Variants in PES1 observed in about 807,000 individuals in gnomAD.
The protein encoded by PES1 is pescadillo homolog.
Under a neutral mutation model 77.1 loss-of-function variants are expected in PES1, and 31 were observed. The observed-to-expected ratio is 0.40, with a 90% CI of 0.30 to 0.54. PES1 has a LOEUF of 0.54. Ranked by LOEUF, PES1 falls within the 20% of genes least tolerant of loss-of-function variation. The probability of loss-of-function intolerance (pLI) is 0.45; values close to 1 mark genes in which losing one functional copy is unlikely to be tolerated. For missense variants in PES1, 658 were observed against 771.7 expected (o/e 0.85, Z 1.75); for synonymous variants, 282 against 303.0 (o/e 0.93, Z 0.72).
At chr22:30,602,911 T>TTGTGTGTGTG (rs61098443) in intron 2 of PES1, among the ~76,000 whole-genome samples, 35 of 150,904 alleles carry the variant, frequency 2.3e-4, no homozygotes, top group Admixed American at 1.5e-3. Flanking sequence ...TGAAAGCAAT[T>TTGTGTGTGTG]TGTGTGTGTG....
In PES1 at chr22:30,583,062, A is replaced by T. The variant is rs568181211; in HGVS notation, c.630+1303T>A. Among the ~76,000 whole-genome samples the T allele has an allele frequency of 5.3e-5, 8 of 152,238 alleles. No individual in the cohort carries two copies. The South Asian group carries it at 1.7e-3, about 32-fold the overall frequency. ...CCAGCTGTGTGGAGGCCGGCCCACC[A>T]CAGGGCCCTATTCACCACCAGGGAG... On this transcript the variant is annotated intron_variant, in intron 6 of 14. Transcript: ENST00000354694.
In PES1 at chr22:30,591,864, C is replaced by A; in HGVS notation, c.-31G>T. ...CACGTTGAGGAGCCGACTAGGGCCGCGCGTACAGGGAGCTCCACTTCCTCC... is the reference window on the plus strand; with the variant it reads ...CACGTTGAGGAGCCGACTAGGGCCGAGCGTACAGGGAGCTCCACTTCCTCC... On this transcript the variant is annotated 5_prime_UTR_variant, in exon 1 of 15. Coordinates refer to ENST00000354694, the MANE Select transcript of PES1 (RefSeq NM_014303.4). 6.5e-7 allele frequency: 1 copy of A among 1,546,128 alleles called. No individual in the cohort carries two copies. The highest frequency in any genetic ancestry group is 8.7e-7 in the Non-Finnish European group (1 of 1,146,296).
chr22:30,580,818 A>G (rs1341388961), intron 9 of PES1, 117 bp from the exon 10 acceptor site: 11 of 1,490,924 alleles, frequency 7.4e-6, no homozygotes, highest in African/African-American at 1.4e-5. Context: ...CTGCCTTCAA[A>G]GGAAACTCCA....
chr22:30,577,088 C>T lies in PES1; in HGVS notation c.1725G>A (p.Ala575=), dbSNP rs80018848. The T allele has an allele frequency of 4.3e-4, 699 of 1,614,136 alleles. 5 individuals are homozygous for T. The African/African-American group carries it at 7.7e-3, about 18-fold the overall frequency. The part of the protein sequence containing the change: ...LAEKRKAHDE[A]VRSEKKAKKA... The stretch of plus-strand genomic sequence containing the variant: ...TCTTGGCCTTCTTCTCAGACCTCAC[C>T]GCCTCATCGTGGGCTTTCCGCTTCT... The change falls in exon 15 of 15, where the codon GCG becomes GCA. Residue 575 remains alanine (A), a synonymous_variant. Coordinates refer to ENST00000354694, the MANE Select transcript of PES1 (RefSeq NM_014303.4).
Position 30,581,339 on chromosome 22 carries a change from T to A in PES1, c.817A>T (p.Met273Leu). The stretch of plus-strand genomic sequence containing the variant: ...ATGCTCCTGGAGCCTCTCACCTCCA[T>A]ACAACTCTCGGAGTCCAACGCGTAG... Reference protein sequence around the residue: ...GTYALDSESCMEKLAALSASL... With the variant: ...GTYALDSESCLEKLAALSASL... The change falls in exon 8 of 15, where the codon ATG (methionine) becomes TTG (leucine). Residue 273 changes from methionine to leucine, a missense_variant. Met to Leu is a conservative substitution (Grantham distance 15). Transcript: ENST00000354694. 6.2e-7 allele frequency: 1 copy of A among 1,613,710 alleles called. No homozygotes were observed. Among genetic ancestry groups the A allele is most frequent in the South Asian group, 1.1e-5 (1 of 91,070 alleles).
Position 30,591,891 on chromosome 22 carries a change from G to A in PES1, c.-58C>T, listed in dbSNP as rs1408200384. 3.3e-6 allele frequency: 5 copies of A among 1,526,810 alleles called. No homozygotes were observed. Among genetic ancestry groups the A allele is most frequent in the South Asian group, 2.4e-5 (2 of 82,566 alleles). The allele number at this position is 1,526,810 out of a possible 1,614,324, so 94.6% of individuals were successfully genotyped here. A position where few individuals can be genotyped will look rare whatever the true frequency, so the allele number is the denominator to read the frequency against. The stretch of plus-strand genomic sequence containing the variant: ...CGTACAGGGAGCTCCACTTCCTCCC[G>A]CACGTGCCCTGCCAAGGACCCCGAG... On this transcript the variant is annotated 5_prime_UTR_variant, in exon 1 of 15. Transcript: ENST00000354694.
At chr22:30,605,333 C>T (rs1602035773) in intron 2 of PES1, 1 of 314,882 alleles carries the variant, frequency 3.2e-6, no homozygotes, top group Non-Finnish European at 4.6e-6. Context: ...CTTCCTATTC[C>T]TACTCCCCCA....
At chr22:30,593,459 A>G (rs1228659025), upstream of PES1, among the ~76,000 whole-genome samples, 1 of 151,882 alleles carries the variant, frequency 6.6e-6, no homozygotes, top group Non-Finnish European at 1.5e-5. Flanking sequence ...TGCACTCTGC[A>G]CTCAAGCCTA....
chr22:30,598,912 T>TTTTAA (rs761643665), intron 2 of PES1, among the ~76,000 whole-genome samples: 1 of 116,428 alleles, frequency 8.6e-6, no homozygotes, highest in African/African-American at 3.4e-5. Flanking sequence ...TTTTTTTTTT[T>TTTTAA]TTGAGATGGA....
intron 2 of PES1, among the ~76,000 whole-genome samples, chr22:30,604,881 T>C (rs2087413689): frequency 6.6e-6 from 1 of 151,906 alleles, no homozygotes; most frequent in Non-Finnish European, 1.5e-5. Context: ...AGTTCAAAAA[T>C]AAAAAAAATA....
In PES1 at chr22:30,605,449, G is replaced by C. The variant is rs1047184302; in HGVS notation, c.-661+12C>G. On this transcript the variant is annotated intron_variant, in intron 2 of 16. Coordinates refer to the PES1 transcript ENST00000402281. ...AGAAGTGACTCTCTGGAAGGATGCT[G>C]CTGCTTCTCACCAGAGGCTGACGAT... is the stretch of plus-strand genomic sequence containing the variant. The C allele has an allele frequency of 5.1e-6, 5 of 985,166 alleles. No individual in the cohort carries two copies. The African/African-American group carries it at 8.7e-5, about 17-fold the overall frequency. 61.0% of individuals were successfully genotyped at this position (985,166 alleles called of 1,614,324 possible). A position where few individuals can be genotyped will look rare whatever the true frequency, so the allele number is the denominator to read the frequency against.
intron 9 of PES1, 140 bp downstream of exon 9, chr22:30,580,872 T>C: frequency 1.7e-6 from 2 of 1,178,106 alleles, no homozygotes; most frequent in Non-Finnish European, 2.4e-6. Flanking sequence ...TAAACTCTGA[T>C]GACAATTCAG....
chr22:30,595,630 C>T (rs150104118), upstream of PES1, among the ~76,000 whole-genome samples: 4,510 of 152,056 alleles, frequency 0.03, 96 homozygotes, highest in Middle Eastern at 0.052. Flanking sequence ...GAACCTTCCC[C>T]TGTCAGCCCT....
intron 1 of PES1, chr22:30,605,538 AGTT>A (rs1251756870): frequency 1.0e-6 from 1 of 964,826 alleles, no homozygotes; most frequent in Non-Finnish European, 1.2e-6. Flanking sequence ...GAATCATAAT[AGTT>A]GTTACTGGAA....
chr22:30,600,621 C>T (rs1199083454), intron 2 of PES1, among the ~76,000 whole-genome samples: 3 of 152,112 alleles, frequency 2.0e-5, no homozygotes, highest in Non-Finnish European at 4.4e-5. Context: ...TGGAGACCAT[C>T]CTGGCTAACA....
At chr22:30,594,312 G>C (rs1273324063), upstream of PES1, among the ~76,000 whole-genome samples, 2 of 152,184 alleles carry the variant, frequency 1.3e-5, no homozygotes, top group Non-Finnish European at 2.9e-5. Flanking sequence ...CTGAGGTCAG[G>C]AGTTCAAGAC....
intron 4 of PES1, among the ~76,000 whole-genome samples, chr22:30,585,729 GT>G (rs1365463732): frequency 3.2e-5 from 1 of 31,598 alleles, no homozygotes; most frequent in Non-Finnish European, 6.0e-5. Context: ...GGGGGCAGGG[GT>G]TAAAAAAAAA....
At chr22:30,601,409 G>T (rs940879399) in intron 2 of PES1, among the ~76,000 whole-genome samples, 2 of 152,070 alleles carry the variant, frequency 1.3e-5, no homozygotes, top group Non-Finnish European at 2.9e-5. Flanking sequence ...TCGCCTCCTG[G>T]GTTCCAGCGA....
chr22:30,580,824 C>T lies in PES1; in HGVS notation c.913-123G>A, dbSNP rs2086973269. On this transcript the variant is annotated intron_variant, in intron 9 of 14. Coordinates refer to ENST00000354694, the MANE Select transcript of PES1 (RefSeq NM_014303.4). ...TCCTGGATCCTGCCTTCAAAGGAAA[C>T]TCCAAGGCCCCACTCCTGAGCTCTG... 3.5e-6 allele frequency: 5 copies of T among 1,443,870 alleles called. No individual in the cohort carries two copies. In the South Asian group the frequency reaches 4.9e-5, roughly 14 times the overall value. The allele number at this position is 1,443,870 out of a possible 1,614,324, so 89.4% of individuals were successfully genotyped here.
Sources: gnomAD v4.1 joint callset for allele counts (sites outside exome capture counted in the v4.1 genomes callset) on GRCh38, gnomAD v4.1.1 for gene constraint, MANE v1.5 for transcripts, NCBI Gene and HGNC (gene_info 2026-07-23, HGNC 2026-07-21) for gene names.